The following FH variants were observed in gnomAD, a reference collection of about 807,000 sequenced individuals.
FH encodes the protein fumarate hydratase, mitochondrial.
In FH, 22 loss-of-function variants were observed where a neutral mutation model predicts 49.4. The observed-to-expected ratio is 0.45, with a 90% CI of 0.32 to 0.64. The LOEUF is 0.64. FH is among the 30% of genes least tolerant of loss of function. The pLI, the probability that FH is intolerant of heterozygous loss-of-function variation, is 0.05. For missense variants in FH, 526 were observed against 641.5 expected (o/e 0.82, Z 1.95); for synonymous variants, 208 against 223.0 (o/e 0.93, Z 0.60).
At chr1:241,508,358 T>C (rs1019428550) in intron 5 of FH, among the ~76,000 whole-genome samples, 1 of 152,226 alleles carries the variant, frequency 6.6e-6, no homozygotes, top group Non-Finnish European at 1.5e-5. Context: ...GTCCCATAGC[T>C]TGTACACAGC....
intron 4 of FH, among the ~76,000 whole-genome samples, chr1:241,510,101 T>C (rs1256826553): frequency 6.6e-6 from 1 of 152,230 alleles, no homozygotes. Context: ...AAGTATTAGA[T>C]TGGGAAAATC....
At chr1:241,500,987 C>T (rs1043676375) in intron 8 of FH, among the ~76,000 whole-genome samples, 6 of 152,078 alleles carry the variant, frequency 3.9e-5, no homozygotes, top group African/African-American at 1.4e-4. Context: ...GAATCTTCCA[C>T]GCAGAAGGAA....
At position 241,497,734 on chromosome 1, in the gene FH, A is replaced by G; in HGVS notation, c.*94T>C. The G allele has an allele frequency of 8.6e-7, 1 of 1,159,596 alleles. No individual in the cohort carries two copies. The highest frequency in any genetic ancestry group is 1.2e-6 in the Non-Finnish European group (1 of 807,892). 71.8% of individuals were successfully genotyped at this position (1,159,596 alleles called of 1,614,324 possible). ...TCTGCTAGAGATGCTTAAGTTCAAT[A>G]GCAGTTTCCTTTCAAACTTATCCGT... On this transcript the variant is annotated 3_prime_UTR_variant, in exon 10 of 10. Coordinates refer to ENST00000366560, the MANE Select transcript of FH (RefSeq NM_000143.4).
intron 4 of FH, among the ~76,000 whole-genome samples, chr1:241,511,043 G>A (rs576346438): frequency 6.6e-4 from 101 of 152,184 alleles, no homozygotes; most frequent in Non-Finnish European, 1.1e-3. Flanking sequence ...CAGAATTGAG[G>A]GACATTCTAC....
At chr1:241,507,732 T>C (rs564909265) in intron 5 of FH, among the ~76,000 whole-genome samples, 4 of 152,328 alleles carry the variant, frequency 2.6e-5, no homozygotes, top group African/African-American at 9.6e-5. Flanking sequence ...AAATTATGCA[T>C]GGTCCTAAGT....
At chr1:241,503,700 C>T (rs1659837939) in intron 7 of FH, among the ~76,000 whole-genome samples, 1 of 152,258 alleles carries the variant, frequency 6.6e-6, no homozygotes, top group Non-Finnish European at 1.5e-5. Context: ...TGTTGTGTCA[C>T]TTGCTATATC....
intron 1 of FH, 84 bp from the exon 2 acceptor site, chr1:241,517,400 A>T (rs1379514033): frequency 6.8e-7 from 1 of 1,460,216 alleles, no homozygotes; most frequent in Non-Finnish European, 9.5e-7. Flanking sequence ...TGTTAAAGAG[A>T]AAGAAACCTG....
intron 2 of FH, among the ~76,000 whole-genome samples, chr1:241,515,877 G>T (rs1660198735): frequency 6.6e-6 from 1 of 152,136 alleles, no homozygotes; most frequent in Non-Finnish European, 1.5e-5. Context: ...GTGCCTATTG[G>T]TGCATCTTCT....
At chr1:241,501,195 A>T (rs141782683) in intron 8 of FH, among the ~76,000 whole-genome samples, 8 of 152,328 alleles carry the variant, frequency 5.3e-5, no homozygotes, top group Non-Finnish European at 1.0e-4. Flanking sequence ...TGTTGGCAAC[A>T]TTTCCAATAT....
At chr1:241,501,807 G>C (rs1659787686) in intron 8 of FH, among the ~76,000 whole-genome samples, 2 of 152,152 alleles carry the variant, frequency 1.3e-5, no homozygotes, top group Non-Finnish European at 2.9e-5. Context: ...ATGAGAAATG[G>C]CGCGATGCAT....
chr1:241,500,478 T>C lies in FH; in HGVS notation c.1349A>G (p.Asn450Ser). 1 of 1,614,088 alleles carries C rather than the reference T, an allele frequency of 6.2e-7. No individual in the cohort carries two copies. The highest frequency in any genetic ancestry group is 8.5e-7 in the Non-Finnish European group (1 of 1,179,980). Residue 450 changes from asparagine to serine, a missense_variant, in exon 9 of 10, where the codon AAT (asparagine) becomes AGT (serine). Physicochemically the swap from Asn to Ser is conservative, Grantham distance 46. Coordinates refer to ENST00000366560, the MANE Select transcript of FH (RefSeq NM_000143.4). ...ANTERINKLM[N>S]ESLMLVTALN... Reference sequence around the variant, plus strand: ...AGCTGTCACCAACATTAGAGACTCATTCATCAGCTTGTTGATCCTTTCTGT... The same window carrying C: ...AGCTGTCACCAACATTAGAGACTCACTCATCAGCTTGTTGATCCTTTCTGT...
intron 1 of FH, 58 bp downstream of exon 1, chr1:241,519,533 C>A: frequency 6.6e-7 from 1 of 1,516,420 alleles, no homozygotes; most frequent in African/African-American, 1.4e-5. Context: ...CCCAGGCCGG[C>A]AGGCAGGAGG....
intron 2 of FH, 101 bp downstream of exon 2, chr1:241,517,081 A>T: frequency 3.5e-6 from 5 of 1,446,446 alleles, no homozygotes; most frequent in Non-Finnish European, 2.9e-6. Context: ...TTTTCTAATA[A>T]CTTTACATTT....
intron 1 of FH, among the ~76,000 whole-genome samples, chr1:241,518,360 C>T (rs1350325428): frequency 6.6e-6 from 1 of 152,156 alleles, no homozygotes; most frequent in Non-Finnish European, 1.5e-5. Flanking sequence ...AGTCTGCTTC[C>T]CTTTACAAAA....
At chr1:241,515,476 A>G (rs767085057) in intron 2 of FH, among the ~76,000 whole-genome samples, 1 of 152,094 alleles carries the variant, frequency 6.6e-6, no homozygotes, top group Non-Finnish European at 1.5e-5. Context: ...TCACCTAACC[A>G]CGTAGTCAAA....
intron 7 of FH, 78 bp downstream of exon 7, chr1:241,503,962 AAG>A: frequency 1.4e-6 from 2 of 1,406,354 alleles, no homozygotes; most frequent in South Asian, 2.5e-5. Context: ...ACTTTAAACA[AAG>A]AGAGACATGG....
chr1:241,502,326 C>T, intron 8 of FH, 117 bp downstream of exon 8: 4 of 1,124,664 alleles, frequency 3.6e-6, no homozygotes, highest in South Asian at 2.6e-5. Flanking sequence ...TGACTTCCAA[C>T]TGCTACTTAT....
rs202147731 is a variant in FH, at chr1:241,504,191, G to A, written c.959C>T (p.Ala320Val). 2 of 1,614,088 alleles carry A rather than the reference G, an allele frequency of 1.2e-6. No homozygotes were observed. Among genetic ancestry groups the A allele is most frequent in the Non-Finnish European group, 1.7e-6 (2 of 1,180,032 alleles). Residue 320 changes from alanine (A) to valine (V), a missense_variant, in exon 7 of 10, where the codon GCT becomes GTT. Physicochemically the swap from Ala to Val is moderately conservative, Grantham distance 64. Coordinates refer to ENST00000366560, the MANE Select transcript of FH (RefSeq NM_000143.4). ...NKFEALAAHD[A>V]LVELSGAMNT... ...CATGGCTCCACTGAGCTCAACCAGA[G>A]CGTCATGAGCAGCCAGAGCTTCAAA...
chr1:241,500,116 G>A (rs1459989334), intron 9 of FH, among the ~76,000 whole-genome samples: 1 of 152,038 alleles, frequency 6.6e-6, no homozygotes, highest in African/African-American at 2.4e-5. Context: ...ACCCACTGAA[G>A]GTCTTACAAA....
Sources: allele counts gnomAD v4.1 joint callset (sites outside exome capture counted in the v4.1 genomes callset), GRCh38; gene constraint gnomAD v4.1.1; transcripts MANE v1.5; gene names NCBI Gene and HGNC (gene_info 2026-07-23, HGNC 2026-07-21).